HS3ST4: variants seen among roughly 807,000 people sequenced by gnomAD.
HS3ST4 encodes the protein heparan sulfate glucosamine 3-O-sulfotransferase 4.
HS3ST4 carries 17 observed loss-of-function variants against 29.2 expected under a neutral mutation model. The observed-to-expected ratio is 0.58, with a 90% CI of 0.40 to 0.87. The LOEUF is 0.87. Among genes scored for constraint, HS3ST4 ranks in the 40% least tolerant of loss-of-function variants. The probability of loss-of-function intolerance (pLI) is 0.00; values close to 1 mark genes in which losing one functional copy is unlikely to be tolerated. For missense variants in HS3ST4, 627 were observed against 634.5 expected (o/e 0.99, Z 0.13); for synonymous variants, 314 against 285.7 (o/e 1.10, Z -1.00).
Position 25,816,945 on chromosome 16 carries a change from T to C in HS3ST4, c.734+123794T>C, listed in dbSNP as rs961991124. 2.2e-3 allele frequency among the ~76,000 whole-genome samples: 331 copies of C among 152,294 alleles called. 1 individual carries two copies. The highest frequency in any genetic ancestry group is 7.7e-3 in the African/African-American group (322 of 41,562). On this transcript the variant is annotated intron_variant, in intron 1 of 1. Transcript: ENST00000331351. ...TTAATCCATTAACCCATGAATGGATTGTCCATTCATGAGGGCAGAGCCTTT... is the reference window on the plus strand; with the variant it reads ...TTAATCCATTAACCCATGAATGGATCGTCCATTCATGAGGGCAGAGCCTTT...
intron 1 of HS3ST4, among the ~76,000 whole-genome samples, chr16:25,815,539 G>A (rs1967085067): frequency 6.6e-6 from 1 of 152,124 alleles, no homozygotes; most frequent in African/African-American, 2.4e-5. Flanking sequence ...GGCCAGGCTA[G>A]TCTCGAACTC....
At chr16:25,756,127 T>TAC (rs61054132) in intron 1 of HS3ST4, among the ~76,000 whole-genome samples, 5,301 of 140,624 alleles carry the variant, frequency 0.038, 236 homozygotes, top group African/African-American at 0.11. Flanking sequence ...CACACACACA[T>TAC]ACACACACAC....
At chr16:25,741,556 G>T (rs1161072947) in intron 1 of HS3ST4, among the ~76,000 whole-genome samples, 1 of 152,002 alleles carries the variant, frequency 6.6e-6, no homozygotes, top group Non-Finnish European at 1.5e-5. Context: ...TGATAATAAT[G>T]AATACTTTGG....
intron 1 of HS3ST4, among the ~76,000 whole-genome samples, chr16:26,118,836 G>T (rs1013359316): frequency 2.0e-5 from 3 of 152,044 alleles, no homozygotes; most frequent in Admixed American, 6.6e-5. Flanking sequence ...GGGATATGAG[G>T]TTGGAGAACA....
At chr16:26,104,345 T>TA (rs1899025486) in intron 1 of HS3ST4, among the ~76,000 whole-genome samples, 1 of 152,202 alleles carries the variant, frequency 6.6e-6, no homozygotes, top group South Asian at 2.1e-4. Context: ...GTAGCTTTGA[T>TA]ACAGGGATGT....
chr16:25,896,172 A>G (rs1266473641), intron 1 of HS3ST4, among the ~76,000 whole-genome samples: 1 of 152,210 alleles, frequency 6.6e-6, no homozygotes, highest in African/African-American at 2.4e-5. Flanking sequence ...AAACATGACT[A>G]TGAAAGTACT....
At chr16:26,059,787 A>AT (rs1297205995) in intron 1 of HS3ST4, among the ~76,000 whole-genome samples, 3 of 151,596 alleles carry the variant, frequency 2.0e-5, no homozygotes, top group South Asian at 2.1e-4. Flanking sequence ...TTTTATTTTT[A>AT]TTTTTTTTGA....
rs544888902 is a variant in HS3ST4 at position 25,745,869 on chromosome 16, A to G, written c.734+52718A>G. Among the ~76,000 whole-genome samples, 21 of 152,304 alleles carry G rather than the reference A, an allele frequency of 1.4e-4. No homozygotes were observed. The East Asian group carries it at 3.9e-3, about 28-fold the overall frequency. On this transcript the variant is annotated intron_variant, in intron 1 of 1. Coordinates refer to ENST00000331351, the MANE Select transcript of HS3ST4 (RefSeq NM_006040.3). ...CTAACCATTTTTTCACTTGGATTTG[A>G]TTTCTTCATCTGGTCTGTATAGTAT...
intron 1 of HS3ST4, among the ~76,000 whole-genome samples, chr16:26,108,822 G>T (rs745401615): frequency 6.6e-6 from 1 of 152,140 alleles, no homozygotes; most frequent in East Asian, 1.9e-4. Flanking sequence ...TTATCTTACC[G>T]GACTTAGCAG....
intron 1 of HS3ST4, among the ~76,000 whole-genome samples, chr16:25,893,506 G>A (rs1968030859): frequency 6.6e-6 from 1 of 152,156 alleles, no homozygotes; most frequent in Admixed American, 6.5e-5. Flanking sequence ...GCAAATTCAT[G>A]GGCCAGAGAT....
chr16:25,784,878 T>C (rs750162097), intron 1 of HS3ST4, among the ~76,000 whole-genome samples: 30 of 152,240 alleles, frequency 2.0e-4, no homozygotes, highest in Non-Finnish European at 3.8e-4. Flanking sequence ...AGATGCCATC[T>C]AGAACTTTCA....
At chr16:26,128,913 G>A (rs941330232) in intron 1 of HS3ST4, among the ~76,000 whole-genome samples, 1 of 152,128 alleles carries the variant, frequency 6.6e-6, no homozygotes, top group South Asian at 2.1e-4. Context: ...ATCCTCTTGG[G>A]TTCATCAGCA....
chr16:25,970,600 C>A (rs1968887205), intron 1 of HS3ST4, among the ~76,000 whole-genome samples: 1 of 151,968 alleles, frequency 6.6e-6, no homozygotes, highest in South Asian at 2.1e-4. Context: ...GCCTCAACCC[C>A]CTGGACTCAG....
intron 1 of HS3ST4, among the ~76,000 whole-genome samples, chr16:26,091,357 C>T (rs1898854173): frequency 6.6e-6 from 1 of 152,124 alleles, no homozygotes; most frequent in Non-Finnish European, 1.5e-5. Flanking sequence ...TAAGATGTGG[C>T]ACATAATAGA....
At chr16:26,036,099 G>T (rs1969580264) in intron 1 of HS3ST4, among the ~76,000 whole-genome samples, 2 of 152,246 alleles carry the variant, frequency 1.3e-5, no homozygotes, top group East Asian at 3.8e-4. Context: ...GGTGGGCTGA[G>T]ATATTGAGTT....
chr16:26,000,137 A>T (rs1969200586), intron 1 of HS3ST4, among the ~76,000 whole-genome samples: 1 of 151,886 alleles, frequency 6.6e-6, no homozygotes, highest in South Asian at 2.1e-4. Flanking sequence ...TGATACGTAG[A>T]CACTCCATTT....
intron 1 of HS3ST4, among the ~76,000 whole-genome samples, chr16:26,122,627 C>T (rs2141811370): frequency 6.6e-6 from 1 of 152,256 alleles, no homozygotes; most frequent in Admixed American, 6.5e-5. Context: ...AGGATATATG[C>T]CACACTGAAG....
At chr16:25,958,622 C>T (rs1055767643) in intron 1 of HS3ST4, among the ~76,000 whole-genome samples, 12 of 152,146 alleles carry the variant, frequency 7.9e-5, no homozygotes, top group African/African-American at 1.2e-4. Flanking sequence ...TGAGCCACTG[C>T]GCCTGGCCAG....
chr16:25,835,567 T>C (rs1194964498), intron 1 of HS3ST4, among the ~76,000 whole-genome samples: 3 of 152,204 alleles, frequency 2.0e-5, no homozygotes, highest in South Asian at 2.1e-4. Flanking sequence ...AAAAATGCTT[T>C]ACATGCACTT....
Sources: allele counts gnomAD v4.1 joint callset (sites outside exome capture counted in the v4.1 genomes callset), GRCh38; gene constraint gnomAD v4.1.1; transcripts MANE v1.5; gene names NCBI Gene and HGNC (gene_info 2026-07-23, HGNC 2026-07-21).